Variants in PLCXD3 observed in about 807,000 individuals in gnomAD.
The protein encoded by PLCXD3 is PI-PLC X domain-containing protein 3.
PLCXD3 carries 19 observed loss-of-function variants against 25.5 expected under a neutral mutation model. The observed-to-expected ratio is 0.75, with a 90% confidence interval of 0.52 to 1.09. PLCXD3 has a LOEUF of 1.09. Among genes scored for constraint, PLCXD3 ranks in the 50% least tolerant of loss-of-function variants. The pLI is 0.00. For synonymous variants in PLCXD3, 174 were observed against 137.6 expected (o/e 1.26, Z -1.85); for missense variants, 411 against 388.1 (o/e 1.06, Z -0.50).
chr5:41,412,503 TG>T (rs1423989336), intron 1 of PLCXD3, among the ~76,000 whole-genome samples: 1 of 152,200 alleles, frequency 6.6e-6, no homozygotes, highest in Non-Finnish European at 1.5e-5. Flanking sequence ...TTCTCAGAGT[TG>T]TGTACCTAAC....
rs111965378 is a variant in PLCXD3, at chr5:41,402,437, G to A, written c.104-19903C>T. 7.4e-3 allele frequency among the ~76,000 whole-genome samples: 1,117 copies of A among 151,514 alleles called. 11 individuals carry two copies. Among genetic ancestry groups the A allele is most frequent in the African/African-American group, 0.025 (1,050 of 41,466 alleles). Reference sequence around the variant, plus strand: ...TTAAATTTACTTCATTTTTGTCAGAGAACATGCTCTCAATAATTTTAATTC... The same window carrying A: ...TTAAATTTACTTCATTTTTGTCAGAAAACATGCTCTCAATAATTTTAATTC... On this transcript the variant is annotated intron_variant, in intron 1 of 2. Coordinates refer to ENST00000377801, the MANE Select transcript of PLCXD3 (RefSeq NM_001005473.3).
chr5:41,453,062 T>C (rs530550456), intron 1 of PLCXD3, among the ~76,000 whole-genome samples: 1 of 152,108 alleles, frequency 6.6e-6, no homozygotes, highest in African/African-American at 2.4e-5. Context: ...TACAACACAC[T>C]GTAATTAACT....
intron 1 of PLCXD3, among the ~76,000 whole-genome samples, chr5:41,408,270 T>C (rs1413145687): frequency 1.3e-5 from 2 of 152,224 alleles, no homozygotes; most frequent in Admixed American, 6.5e-5. Flanking sequence ...GCCCACACTT[T>C]GAATGTGAGG....
chr5:41,345,328 G>A (rs1744268218), intron 2 of PLCXD3, among the ~76,000 whole-genome samples: 1 of 152,136 alleles, frequency 6.6e-6, no homozygotes, highest in Non-Finnish European at 1.5e-5. Flanking sequence ...ATGAGAGAGG[G>A]TGAGTGGCTT....
chr5:41,483,082 T>C (rs1264668241), intron 1 of PLCXD3, among the ~76,000 whole-genome samples: 2 of 152,224 alleles, frequency 1.3e-5, no homozygotes, highest in Non-Finnish European at 2.9e-5. Flanking sequence ...GTTCATTCAT[T>C]GGACAAGTTC....
intron 2 of PLCXD3, among the ~76,000 whole-genome samples, chr5:41,363,683 G>A (rs1580325826): frequency 6.6e-6 from 1 of 152,178 alleles, no homozygotes; most frequent in African/African-American, 2.4e-5. Context: ...GCCTTCATTA[G>A]CTTTGCTCAC....
At chr5:41,496,200 G>A (rs1463765157) in intron 1 of PLCXD3, among the ~76,000 whole-genome samples, 1 of 151,814 alleles carries the variant, frequency 6.6e-6, no homozygotes, top group African/African-American at 2.4e-5. Context: ...TAAAACAGAA[G>A]AAATCCTTAA....
In PLCXD3 at chr5:41,464,377, G is replaced by T. The variant is rs80187604; in HGVS notation, c.103+46047C>A. On this transcript the variant is annotated intron_variant, in intron 1 of 2. Transcript: ENST00000377801. Reference sequence around the variant, plus strand: ...TCGGTAGACAAAAATGTACTTACATGCACTATTGCCTTGTGCACTGAGAAC... The same window carrying T: ...TCGGTAGACAAAAATGTACTTACATTCACTATTGCCTTGTGCACTGAGAAC... 9.4e-4 allele frequency among the ~76,000 whole-genome samples: 143 copies of T among 152,132 alleles called. 1 individual carries two copies. The East Asian group carries it at 0.016, about 17-fold the overall frequency.
At chr5:41,474,038 A>G (rs1470936932) in intron 1 of PLCXD3, among the ~76,000 whole-genome samples, 9 of 152,156 alleles carry the variant, frequency 5.9e-5, no homozygotes, top group Non-Finnish European at 1.3e-4. Flanking sequence ...AACCGTTACT[A>G]CTGTTACTAC....
intron 1 of PLCXD3, among the ~76,000 whole-genome samples, chr5:41,421,515 C>T (rs1453120615): frequency 6.6e-6 from 1 of 152,160 alleles, no homozygotes; most frequent in African/African-American, 2.4e-5. Flanking sequence ...TCCTGGCTAA[C>T]ACGGTGAAAC....
At chr5:41,507,467 T>A (rs1265007273) in intron 1 of PLCXD3, among the ~76,000 whole-genome samples, 3 of 152,190 alleles carry the variant, frequency 2.0e-5, no homozygotes, top group Non-Finnish European at 4.4e-5. Flanking sequence ...CCAGTCAATA[T>A]CATATCATGA....
rs558006227 is a variant in PLCXD3 at position 41,507,480 on chromosome 5, C to T, written c.103+2944G>A. Among the ~76,000 whole-genome samples, 286 of 152,274 alleles carry T rather than the reference C, an allele frequency of 1.9e-3. 1 individual carries two copies. Among genetic ancestry groups the T allele is most frequent in the Non-Finnish European group, 3.4e-3 (231 of 68,014 alleles). The stretch of plus-strand genomic sequence containing the variant: ...GCCCAGTCAATATCATATCATGAAG[C>T]CATTTAAATGCCAAACAGCTATTGC... On this transcript the variant is annotated intron_variant, in intron 1 of 2. Transcript: ENST00000377801.
chr5:41,370,489 AG>A (rs1561248697), intron 2 of PLCXD3, among the ~76,000 whole-genome samples: 1 of 152,178 alleles, frequency 6.6e-6, no homozygotes, highest in African/African-American at 2.4e-5. Context: ...CATTGCCTAG[AG>A]TGATGTTAGT....
At chr5:41,313,921 G>T (rs1375010469) in intron 2 of PLCXD3, 151 bp from the exon 3 acceptor site, 11 of 878,584 alleles carry the variant, frequency 1.3e-5, no homozygotes, top group South Asian at 1.2e-4. Context: ...TGGACTCTGG[G>T]GATTTTTTAA....
chr5:41,324,841 C>A (rs1743580065), intron 2 of PLCXD3, among the ~76,000 whole-genome samples: 1 of 152,154 alleles, frequency 6.6e-6, no homozygotes, highest in South Asian at 2.1e-4. Flanking sequence ...ACTCATTCAC[C>A]TTGAGAGGTG....
At chr5:41,479,799 G>A (rs1355933800) in intron 1 of PLCXD3, among the ~76,000 whole-genome samples, 2 of 151,924 alleles carry the variant, frequency 1.3e-5, no homozygotes, top group African/African-American at 2.4e-5. Flanking sequence ...AATTAATCAC[G>A]GTATTACCTC....
At chr5:41,467,783 C>T (rs1748055032) in intron 1 of PLCXD3, among the ~76,000 whole-genome samples, 1 of 152,048 alleles carries the variant, frequency 6.6e-6, no homozygotes, top group African/African-American at 2.4e-5. Flanking sequence ...TGTGGATATT[C>T]AGTTTTCCCG....
chr5:41,492,316 ATGGGCTTCCCTTTG>A (rs1388606412), intron 1 of PLCXD3, among the ~76,000 whole-genome samples: 6 of 152,148 alleles, frequency 3.9e-5, no homozygotes, highest in African/African-American at 7.2e-5. Flanking sequence ...TGTTAGTCTG[ATGGGCTTCCCTTTG>A]TGGGTAACCC....
intron 2 of PLCXD3, among the ~76,000 whole-genome samples, chr5:41,355,366 T>C (rs1210320066): frequency 2.6e-5 from 4 of 152,230 alleles, no homozygotes; most frequent in East Asian, 1.9e-4. Context: ...CCAACTAGAA[T>C]AGAGATAATG....
Sources: allele counts gnomAD v4.1 joint callset (sites outside exome capture counted in the v4.1 genomes callset), GRCh38; gene constraint gnomAD v4.1.1; transcripts MANE v1.5; gene names NCBI Gene and HGNC (gene_info 2026-07-23, HGNC 2026-07-21).